Variants in HEATR5B observed in about 807,000 individuals in gnomAD.
HEATR5B encodes the protein HEAT repeat containing 5B.
Under a neutral mutation model 224.1 loss-of-function variants are expected in HEATR5B, and 156 were observed. The ratio of observed to expected loss-of-function variants is 0.70; its 90% CI spans 0.61 to 0.80. The LOEUF (loss-of-function observed/expected upper bound fraction) is 0.80, where lower values mean the gene tolerates loss of function less well. HEATR5B is among the 30% of genes least tolerant of loss of function. HEATR5B has a pLI of 0.00. For synonymous variants in HEATR5B, 1,027 were observed against 893.0 expected, an observed-to-expected ratio of 1.15 and a Z score of -2.68; for missense variants, 2,323 against 2,535.5, an observed-to-expected ratio of 0.92 and a Z score of 1.80.
In HEATR5B at chr2:37,076,723, G is replaced by C. The variant is rs571594071; in HGVS notation, c.447+188C>G. ...AAAATAACAAGTAAACCTATTCCTT[G>C]TCAAAGAAAAGCATTCTTTCCCTTC... On this transcript the variant is annotated intron_variant, in intron 4 of 35. Transcript: ENST00000233099. Among the ~76,000 whole-genome samples the C allele has an allele frequency of 2.0e-5, 3 of 150,352 alleles. No homozygotes were observed. In the South Asian group the frequency reaches 6.3e-4, roughly 32 times the overall value.
chr2:37,062,293 GGT>G (rs753715561), intron 10 of HEATR5B, among the ~76,000 whole-genome samples: 1 of 152,162 alleles, frequency 6.6e-6, no homozygotes, highest in Admixed American at 6.5e-5. Context: ...AGCCAGGCAT[GGT>G]GGTGGGCACC....
intron 22 of HEATR5B, among the ~76,000 whole-genome samples, chr2:37,030,067 A>G (rs1444586528): frequency 1.3e-5 from 2 of 152,230 alleles, no homozygotes. Context: ...AAATCTTTTC[A>G]TTCTTGTAAA....
chr2:37,059,741 T>G (rs1007087708), intron 12 of HEATR5B, among the ~76,000 whole-genome samples: 1 of 152,052 alleles, frequency 6.6e-6, no homozygotes, highest in Non-Finnish European at 1.5e-5. Flanking sequence ...ATTACAGGCA[T>G]GAGCCACAGC....
At chr2:37,066,101 T>C (rs1671571611) in intron 8 of HEATR5B, among the ~76,000 whole-genome samples, 191 bp from the exon 9 acceptor site, 1 of 152,234 alleles carries the variant, frequency 6.6e-6, no homozygotes, top group African/African-American at 2.4e-5. Flanking sequence ...AATAGCTTTA[T>C]AATAATGCTA....
At chr2:37,021,161 T>C (rs933646606) in intron 24 of HEATR5B, among the ~76,000 whole-genome samples, 23 of 152,330 alleles carry the variant, frequency 1.5e-4, no homozygotes, top group East Asian at 7.7e-4. Context: ...AAGAACCAGA[T>C]AGTTAATATT....
At chr2:37,010,609 G>A (rs1355058622) in intron 27 of HEATR5B, among the ~76,000 whole-genome samples, 1 of 151,766 alleles carries the variant, frequency 6.6e-6, no homozygotes, top group Non-Finnish European at 1.5e-5. Flanking sequence ...CACCTCCCGG[G>A]TTCAAGTGAT....
chr2:36,996,651 G>A (rs1262309693), intron 33 of HEATR5B, among the ~76,000 whole-genome samples: 2 of 151,966 alleles, frequency 1.3e-5, no homozygotes, highest in Non-Finnish European at 2.9e-5. Flanking sequence ...GAGTGCAATG[G>A]CGTGATTTCG....
At chr2:37,000,153 C>T (rs187378595) in intron 33 of HEATR5B, among the ~76,000 whole-genome samples, 16 of 151,968 alleles carry the variant, frequency 1.1e-4, no homozygotes, top group African/African-American at 2.9e-4. Flanking sequence ...TCTTGGCTCA[C>T]CGCAACCTCC....
At chr2:37,074,282 C>T (rs1672094239) in intron 5 of HEATR5B, among the ~76,000 whole-genome samples, 1 of 146,208 alleles carries the variant, frequency 6.8e-6, no homozygotes, top group Non-Finnish European at 1.5e-5. Flanking sequence ...GAGATCGCAC[C>T]ACTGCACTCC....
chr2:37,079,479 A>C, intron 2 of HEATR5B, 148 bp from the exon 3 acceptor site: 2 of 516,946 alleles, frequency 3.9e-6, no homozygotes, highest in East Asian at 6.4e-5. Flanking sequence ...TTTTCAAGTT[A>C]ATGAAAAGTT....
chr2:36,988,571 C>A, intron 35 of HEATR5B, 75 bp downstream of exon 35: 1 of 1,312,236 alleles, frequency 7.6e-7, no homozygotes. Context: ...AGGCCTGTTT[C>A]TAATATCAAA....
chr2:37,041,642 AG>A (rs2148500697), intron 18 of HEATR5B, among the ~76,000 whole-genome samples: 1 of 152,272 alleles, frequency 6.6e-6, no homozygotes, highest in South Asian at 2.1e-4. Context: ...GCTAGTAGGG[AG>A]GCTGAAGTGA....
At chr2:37,059,406 ATGTGTGTGTGTG>A (rs529487124) in intron 12 of HEATR5B, among the ~76,000 whole-genome samples, 1,156 of 100,198 alleles carry the variant, frequency 0.012, 13 homozygotes, top group African/African-American at 0.02. Context: ...ATATATGTAT[ATGTGTGTGTGTG>A]TGTGTGTGTG....
chr2:37,007,065 TTCTG>T lies in HEATR5B; in HGVS notation c.4758_4761del (p.Asp1586GlufsTer4), dbSNP rs1352581939. On this transcript the variant is annotated frameshift_variant, in exon 29 of 36. Coordinates refer to ENST00000233099, the MANE Select transcript of HEATR5B (RefSeq NM_019024.3). LOFTEE classifies it high-confidence loss of function. ...ACAGACCTACCTAAAATCAGATGCATTCTGTCTTTGTTAATTTCTGGCAAAGATT... is the reference window on the plus strand; with the variant it reads ...ACAGACCTACCTAAAATCAGATGCATTCTTTGTTAATTTCTGGCAAAGATT... The T allele has an allele frequency of 6.2e-7, 1 of 1,613,932 alleles. No homozygotes were observed. The highest frequency in any genetic ancestry group is 1.1e-5 in the South Asian group (1 of 91,084).
In HEATR5B at chr2:37,038,036, T is replaced by C; in HGVS notation, c.3047-12A>G. 1 of 1,458,082 alleles carries C rather than the reference T, an allele frequency of 6.9e-7. No individual in the cohort carries two copies. The allele number at this position is 1,458,082 out of a possible 1,614,324, so 90.3% of individuals were successfully genotyped here. ...TGTTGCTCCATTCCCTGGTGCAAAA[T>C]GAAAGAAAATATAAAATATAATTAT... On this transcript the variant is annotated splice_polypyrimidine_tract_variant and intron_variant, in intron 20 of 35. Coordinates refer to ENST00000233099, the MANE Select transcript of HEATR5B (RefSeq NM_019024.3).
At chr2:36,999,691 T>C (rs1572764609) in intron 33 of HEATR5B, among the ~76,000 whole-genome samples, 1 of 149,728 alleles carries the variant, frequency 6.7e-6, no homozygotes, top group East Asian at 2.0e-4. Flanking sequence ...AAAAAAAAAA[T>C]TCTGGAGAGA....
intron 32 of HEATR5B, 132 bp from the exon 33 acceptor site, chr2:37,000,945 C>A: frequency 3.3e-6 from 2 of 615,242 alleles, no homozygotes; most frequent in South Asian, 2.1e-5. Context: ...ACAAAATTTA[C>A]TGTATTACTA....
At chr2:37,070,145 C>T in intron 7 of HEATR5B, 85 bp downstream of exon 7, 23 of 1,283,706 alleles carry the variant, frequency 1.8e-5, no homozygotes, top group Non-Finnish European at 2.2e-5. Context: ...GGCAATCTGC[C>T]CGCCTTGGCC....
chr2:37,003,411 G>T, intron 31 of HEATR5B, 131 bp downstream of exon 31: 1 of 599,768 alleles, frequency 1.7e-6, no homozygotes, highest in Non-Finnish European at 2.8e-6. Flanking sequence ...GCTCCAGCTT[G>T]GGTGACCGAA....
Sources: allele counts gnomAD v4.1 joint callset (sites outside exome capture counted in the v4.1 genomes callset), GRCh38; gene constraint gnomAD v4.1.1; transcripts MANE v1.5; gene names NCBI Gene and HGNC (gene_info 2026-07-23, HGNC 2026-07-21).